Variants in AUTS2 observed in about 807,000 individuals in gnomAD.
AUTS2 encodes autism susceptibility gene 2 protein.
Under a neutral mutation model 112.4 loss-of-function variants are expected in AUTS2, and 17 were observed. The ratio of observed to expected loss-of-function variants is 0.15; its 90% CI spans 0.10 to 0.23. The LOEUF (loss-of-function observed/expected upper bound fraction) is 0.23, where lower values mean the gene tolerates loss of function less well. AUTS2 is among the 10% of genes least tolerant of loss of function. The pLI is 1.00. For synonymous variants in AUTS2, 751 were observed against 702.7 expected (o/e 1.07, Z -1.09); for missense variants, 1,510 against 1,701.6 (o/e 0.89, Z 1.98).
chr7:70,410,398 T>TTTA (rs1554394749), intron 4 of AUTS2, among the ~76,000 whole-genome samples: 42 of 140,828 alleles, frequency 3.0e-4, no homozygotes, highest in South Asian at 9.5e-4. Flanking sequence ...AGGGTTTGTC[T>TTTA]TTTATTTATT....
At chr7:70,482,198 C>T (rs1433353914) in intron 5 of AUTS2, among the ~76,000 whole-genome samples, 2 of 152,050 alleles carry the variant, frequency 1.3e-5, no homozygotes, top group Non-Finnish European at 2.9e-5. Flanking sequence ...TCCTTAAAAC[C>T]TCTGGAGGAC....
At chr7:70,454,850 T>C (rs1048322878) in intron 5 of AUTS2, among the ~76,000 whole-genome samples, 3 of 152,168 alleles carry the variant, frequency 2.0e-5, no homozygotes, top group African/African-American at 7.2e-5. Context: ...TCAGCAAGAA[T>C]TCATACCTCC....
intron 1 of AUTS2, among the ~76,000 whole-genome samples, chr7:69,701,540 T>C (rs1386858052): frequency 1.3e-5 from 2 of 152,092 alleles, no homozygotes; most frequent in Admixed American, 1.3e-4. Flanking sequence ...ACTTTGAGAA[T>C]ACAAAAGAAT....
At chr7:69,646,198 C>T (rs1795013963) in intron 1 of AUTS2, among the ~76,000 whole-genome samples, 1 of 152,080 alleles carries the variant, frequency 6.6e-6, no homozygotes, top group Non-Finnish European at 1.5e-5. Context: ...TTCCCAATTA[C>T]CCAATTATAA....
chr7:70,523,273 T>C (rs1284898416), intron 5 of AUTS2, among the ~76,000 whole-genome samples: 1 of 152,212 alleles, frequency 6.6e-6, no homozygotes, highest in Non-Finnish European at 1.5e-5. Context: ...GGATAGAATG[T>C]AGAGTGTTTT....
Position 70,239,203 on chromosome 7 carries a change from G to T in AUTS2, c.660+104632G>T, listed in dbSNP as rs367882043. Reference sequence around the variant, plus strand: ...GTTTTACAAACCCTCTGCCTCCCCAGTATCTTCTCCAGCCCCCATGTCTTG... The same window carrying T: ...GTTTTACAAACCCTCTGCCTCCCCATTATCTTCTCCAGCCCCCATGTCTTG... On this transcript the variant is annotated intron_variant, in intron 4 of 18. Transcript: ENST00000342771. 9.2e-5 allele frequency among the ~76,000 whole-genome samples: 14 copies of T among 152,176 alleles called. 1 individual carries two copies. In the East Asian group the frequency reaches 9.7e-4, roughly 11 times the overall value.
chr7:69,605,557 G>A (rs1047403413), intron 1 of AUTS2, among the ~76,000 whole-genome samples: 5 of 152,062 alleles, frequency 3.3e-5, no homozygotes, highest in African/African-American at 1.2e-4. Context: ...GCTGCTCTTT[G>A]GCAACCTGTA....
At chr7:69,668,104 C>T (rs1167756687) in intron 1 of AUTS2, among the ~76,000 whole-genome samples, 1 of 152,078 alleles carries the variant, frequency 6.6e-6, no homozygotes, top group African/African-American at 2.4e-5. Flanking sequence ...GGTGACTCTC[C>T]TAATAGTTGA....
At chr7:70,291,391 G>A (rs565955937) in intron 4 of AUTS2, 1 of 152,292 alleles carries the variant, frequency 6.6e-6, no homozygotes, top group African/African-American at 2.4e-5. Context: ...AAACAACTTT[G>A]TAAATCACCC....
chr7:69,945,253 C>G (rs1448850705), intron 2 of AUTS2, among the ~76,000 whole-genome samples: 1 of 152,114 alleles, frequency 6.6e-6, no homozygotes, highest in Non-Finnish European at 1.5e-5. Context: ...CCCAAAAGGG[C>G]CATTTCCTCC....
intron 2 of AUTS2, among the ~76,000 whole-genome samples, chr7:70,073,263 C>A (rs552255708): frequency 6.6e-6 from 1 of 151,928 alleles, no homozygotes; most frequent in East Asian, 1.9e-4. Flanking sequence ...GTAATCCCAG[C>A]ACTTTGGGAA....
At chr7:69,671,342 T>C (rs753390001) in intron 1 of AUTS2, among the ~76,000 whole-genome samples, 1 of 152,180 alleles carries the variant, frequency 6.6e-6, no homozygotes, top group African/African-American at 2.4e-5. Flanking sequence ...AATGGGGTAA[T>C]AAACACTTAC....
intron 1 of AUTS2, among the ~76,000 whole-genome samples, chr7:69,602,274 A>T (rs1792481575): frequency 6.6e-6 from 1 of 151,952 alleles, no homozygotes; most frequent in Non-Finnish European, 1.5e-5. Flanking sequence ...TACAGTTAAT[A>T]CCATTTCTTT....
chr7:69,975,869 G>T (rs1483318496), intron 2 of AUTS2, among the ~76,000 whole-genome samples: 1 of 151,760 alleles, frequency 6.6e-6, no homozygotes, highest in Admixed American at 6.6e-5. Context: ...TGTATTTTTA[G>T]TAGAGACAGG....
At chr7:69,740,739 C>T (rs373632150) in intron 1 of AUTS2, among the ~76,000 whole-genome samples, 1 of 152,050 alleles carries the variant, frequency 6.6e-6, no homozygotes, top group Admixed American at 6.6e-5. Context: ...TTAGGCTGGT[C>T]TCAAACCCCT....
intron 5 of AUTS2, among the ~76,000 whole-genome samples, chr7:70,605,185 A>G (rs2129530836): frequency 6.6e-6 from 1 of 152,270 alleles, no homozygotes; most frequent in East Asian, 1.9e-4. Context: ...ACACTGACAT[A>G]TCCACTTTAA....
intron 4 of AUTS2, among the ~76,000 whole-genome samples, chr7:70,210,052 T>C (rs1810774927): frequency 6.6e-6 from 1 of 152,128 alleles, no homozygotes; most frequent in Non-Finnish European, 1.5e-5. Context: ...CAAATGACAT[T>C]GGGGTATAGG....
At chr7:70,687,303 C>T (rs1395366236) in intron 5 of AUTS2, among the ~76,000 whole-genome samples, 1 of 152,204 alleles carries the variant, frequency 6.6e-6, no homozygotes, top group East Asian at 1.9e-4. Flanking sequence ...CAGTTCTCAT[C>T]ACATGCACTG....
intron 1 of AUTS2, among the ~76,000 whole-genome samples, chr7:69,637,594 G>A (rs1413229071): frequency 6.6e-6 from 1 of 152,212 alleles, no homozygotes; most frequent in African/African-American, 2.4e-5. Context: ...AGCTGCTGCT[G>A]TAAGACAAAA....
Sources: gnomAD v4.1 joint callset for allele counts (sites outside exome capture counted in the v4.1 genomes callset) on GRCh38, gnomAD v4.1.1 for gene constraint, MANE v1.5 for transcripts, NCBI Gene and HGNC (gene_info 2026-07-23, HGNC 2026-07-21) for gene names.